CYBA: variants seen among roughly 807,000 people sequenced by gnomAD.
The protein encoded by CYBA is cytochrome b-245 light chain.
Under a neutral mutation model 20.8 loss-of-function variants are expected in CYBA, and 21 were observed. That is an observed-to-expected ratio of 1.01 (90% CI 0.72 to 1.46). CYBA has a LOEUF of 1.46. Ranked by LOEUF, CYBA falls within the 40% of genes most tolerant of loss-of-function variation. CYBA has a pLI of 0.00. For synonymous variants in CYBA, 164 were observed against 127.5 expected, an observed-to-expected ratio of 1.29 and a Z score of -1.93; for missense variants, 344 against 287.0, an observed-to-expected ratio of 1.20 and a Z score of -1.43.
chr16:88,649,145 G>C (rs1001725744), intron 1 of CYBA, among the ~76,000 whole-genome samples: 1 of 151,482 alleles, frequency 6.6e-6, no homozygotes, highest in Non-Finnish European at 1.5e-5. Context: ...CACTGTGTTA[G>C]CCAGGATGGT....
At chr16:88,649,952 C>A (rs1907443526) in intron 1 of CYBA, among the ~76,000 whole-genome samples, 1 of 152,146 alleles carries the variant, frequency 6.6e-6, no homozygotes, top group Non-Finnish European at 1.5e-5. Flanking sequence ...TCTGAACTGA[C>A]CCACCGACTT....
At chr16:88,647,916 G>A in intron 2 of CYBA, 129 bp downstream of exon 2, 1 of 933,926 alleles carries the variant, frequency 1.1e-6, no homozygotes, top group Non-Finnish European at 1.7e-6. Flanking sequence ...CCCAACCCGT[G>A]CACAGCCCAC....
intron 4 of CYBA, chr16:88,646,437 G>A (rs553287742): frequency 4.4e-6 from 3 of 688,234 alleles, no homozygotes; most frequent in South Asian, 3.0e-5. Context: ...GGCCTCAGCC[G>A]GCAGTAACCA....
intron 1 of CYBA, 98 bp downstream of exon 1, chr16:88,650,858 G>A: frequency 7.5e-7 from 1 of 1,331,700 alleles, no homozygotes; most frequent in Non-Finnish European, 1.0e-6. Flanking sequence ...CCCGCCTGGC[G>A]CCCCACTTCC....
chr16:88,650,153 C>A (rs1039329690), intron 1 of CYBA: 49 of 344,328 alleles, frequency 1.4e-4, no homozygotes, highest in Non-Finnish European at 5.8e-6. Context: ...CACCCTCAGC[C>A]CCCAGGCCCT....
intron 5 of CYBA, chr16:88,644,991 C>G: frequency 1.7e-6 from 1 of 601,682 alleles, no homozygotes; most frequent in Non-Finnish European, 3.0e-6. Context: ...AACTGGCAAG[C>G]GTGGGAGAAA....
chr16:88,643,633 C>T lies in CYBA; in HGVS notation c.370-62G>A. 1.4e-6 allele frequency: 2 copies of T among 1,436,716 alleles called. No homozygotes were observed. 89.0% of individuals were successfully genotyped at this position (1,436,716 alleles called of 1,614,324 possible). On this transcript the variant is annotated intron_variant, in intron 5 of 5. Coordinates refer to ENST00000261623, the MANE Select transcript of CYBA (RefSeq NM_000101.4). The surrounding 1 kb of genome is among the most constrained non-coding windows in gnomAD (Gnocchi z 4.3). ...CCCGCCCTCCCTCCCTCCCTCCCTC[C>T]CCGGAGGCCCACCCCGCTAGGGGCC...
intron 5 of CYBA, chr16:88,644,945 C>T (rs1907220506): frequency 6.8e-6 from 4 of 584,170 alleles, no homozygotes; most frequent in Non-Finnish European, 9.2e-6. Context: ...CAGAGAAGGG[C>T]GAGTCCAAGC....
intron 5 of CYBA, chr16:88,645,114 A>G (rs1449471756): frequency 2.9e-6 from 2 of 695,034 alleles, no homozygotes; most frequent in Non-Finnish European, 5.3e-6. Context: ...TGACCCAGCA[A>G]TTCCTCTCTG....
At chr16:88,650,143 C>T in intron 1 of CYBA, 1 of 334,366 alleles carries the variant, frequency 3.0e-6, no homozygotes, top group Non-Finnish European at 6.0e-6. Context: ...CCCTCCTCCT[C>T]ACCCTCAGCC....
chr16:88,649,551 G>A (rs571676575), intron 1 of CYBA, among the ~76,000 whole-genome samples: 35 of 152,330 alleles, frequency 2.3e-4, no homozygotes, highest in African/African-American at 6.7e-4. Flanking sequence ...TGCTGTCTCC[G>A]GGCCAGCTGC....
rs1477668138 is a variant in CYBA at position 88,645,160 on chromosome 16, G to A, written c.369+956C>T. The A allele has an allele frequency of 8.5e-6, 6 of 701,806 alleles. No homozygotes were observed. In the Admixed American group the frequency reaches 1.0e-4, roughly 12 times the overall value. The allele number at this position is 701,806 out of a possible 1,614,324, so 43.5% of individuals were successfully genotyped here. On this transcript the variant is annotated intron_variant, in intron 5 of 5. Coordinates refer to ENST00000261623, the MANE Select transcript of CYBA (RefSeq NM_000101.4). The stretch of plus-strand genomic sequence containing the variant: ...AAGGAATTCCTCCCGAGGTCTCCAG[G>A]AGCCACTAGCTGTGCGTGGCAGCAG...
At chr16:88,649,897 G>A (rs1274033205) in intron 1 of CYBA, among the ~76,000 whole-genome samples, 3 of 152,296 alleles carry the variant, frequency 2.0e-5, no homozygotes, top group Admixed American at 6.5e-5. Flanking sequence ...TAGGGAGTGC[G>A]GGGCAGGCAG....
Position 88,647,106 on chromosome 16 carries a change from C to G in CYBA, c.198G>C (p.Glu66Asp). 2 of 1,611,012 alleles carry G rather than the reference C, an allele frequency of 1.2e-6. No individual in the cohort carries two copies. Among genetic ancestry groups the G allele is most frequent in the African/African-American group, 1.3e-5 (1 of 75,026 alleles). The change falls in exon 3 of 6, where the codon GAG becomes GAC. Residue 66 changes from glutamate (E) to aspartate (D), a missense_variant. Coordinates refer to ENST00000261623, the MANE Select transcript of CYBA (RefSeq NM_000101.4). ...CAGAGCAGGAGGAGACTCACCAGCGCTCCATGGTGGAGCCCTTCTTCCTCT... is the reference window on the plus strand; with the variant it reads ...CAGAGCAGGAGGAGACTCACCAGCGGTCCATGGTGGAGCCCTTCTTCCTCT... Reference protein sequence around the residue: ...RGKRKKGSTMERWGQKYMTAV... With the variant: ...RGKRKKGSTMDRWGQKYMTAV...
Position 88,643,416 on chromosome 16 carries a change from C to A in CYBA, c.525G>T (p.Ala175=), listed in dbSNP as rs766523764. The change falls in exon 6 of 6, where the codon GCG becomes GCT. Residue 175 remains alanine (A), a synonymous_variant. Coordinates refer to ENST00000261623, the MANE Select transcript of CYBA (RefSeq NM_000101.4). The surrounding 1 kb of genome is among the most constrained non-coding windows in gnomAD (Gnocchi z 4.3). ...GGGGACCTCCCGGGGGTCCCCCCGC[C>A]GCCACCGCAGCCTCCTCCTCGCTGG... ...KKPSEEEAAV[A]AGGPPGGPQV... The A allele has an allele frequency of 1.3e-6, 2 of 1,534,662 alleles. No homozygotes were observed. The highest frequency in any genetic ancestry group is 2.0e-5 in the Admixed American group (1 of 50,386).
chr16:88,649,810 G>T (rs1276177605), intron 1 of CYBA, among the ~76,000 whole-genome samples: 1 of 152,232 alleles, frequency 6.6e-6, no homozygotes, highest in East Asian at 1.9e-4. Flanking sequence ...AGCCCCTGGA[G>T]GGTTTCAGCA....
At chr16:88,649,411 G>A (rs1372112668) in intron 1 of CYBA, among the ~76,000 whole-genome samples, 5 of 152,276 alleles carry the variant, frequency 3.3e-5, no homozygotes, top group Admixed American at 1.3e-4. Flanking sequence ...TCCTGGTCCC[G>A]AGCCTGCCAT....
chr16:88,647,745 G>C (rs943538402), intron 2 of CYBA: 3 of 514,000 alleles, frequency 5.8e-6, no homozygotes, highest in African/African-American at 1.9e-5. Flanking sequence ...TGACAGGAGC[G>C]GGCAGAGGGG....
chr16:88,650,300 T>C (rs1253540681), intron 1 of CYBA: 2 of 445,006 alleles, frequency 4.5e-6, no homozygotes, highest in South Asian at 3.1e-5. Flanking sequence ...GAGGGTCCAT[T>C]TCCAAATGGA....
Sources: gnomAD v4.1 joint callset for allele counts (sites outside exome capture counted in the v4.1 genomes callset) on GRCh38, gnomAD v4.1.1 for gene constraint, Gnocchi (gnomAD v3.1) non-coding constraint, MANE v1.5 for transcripts, NCBI Gene and HGNC (gene_info 2026-07-23, HGNC 2026-07-21) for gene names.